PIK3C2G: variants seen among roughly 807,000 people sequenced by gnomAD.
The protein encoded by PIK3C2G is phosphatidylinositol-4-phosphate 3-kinase catalytic subunit type 2 gamma, also known as phosphatidylinositol 3-kinase C2 domain-containing subunit gamma.
Under a neutral mutation model 181.1 loss-of-function variants are expected in PIK3C2G, and 168 were observed. The ratio of observed to expected loss-of-function variants is 0.93; its 90% confidence interval spans 0.82 to 1.05. The LOEUF (loss-of-function observed/expected upper bound fraction) is 1.05. Ranked by LOEUF, PIK3C2G falls within the 50% of genes least tolerant of loss-of-function variation. PIK3C2G has a pLI of 0.00. For synonymous variants in PIK3C2G, 573 were observed against 592.2 expected (o/e 0.97, Z 0.47); for missense variants, 1,869 against 1,732.8 (o/e 1.08, Z -1.40).
At chr12:18,341,588 A>T (rs75009375) in intron 9 of PIK3C2G, among the ~76,000 whole-genome samples, 127 of 152,298 alleles carry the variant, frequency 8.3e-4, no homozygotes, top group African/African-American at 3.0e-3. Context: ...CTGAAAGCTC[A>T]TTTATTCTAC....
chr12:18,578,705 A>G lies in PIK3C2G; in HGVS notation c.4011+11648A>G, dbSNP rs115156937. Among the ~76,000 whole-genome samples the G allele has an allele frequency of 7.4e-3, 1,129 of 152,282 alleles. 11 individuals carry two copies. Among genetic ancestry groups the G allele is most frequent in the African/African-American group, 0.026 (1,066 of 41,558 alleles). The stretch of plus-strand genomic sequence containing the variant: ...CCGATACAGCTCCCTTTCTTCATAT[A>G]TATTAACATAGTTATATCTACATAA... On this transcript the variant is annotated intron_variant, in intron 29 of 32. Coordinates refer to ENST00000538779, the MANE Select transcript of PIK3C2G (RefSeq NM_001288772.2).
At chr12:18,608,269 G>C (rs944279146) in intron 30 of PIK3C2G, among the ~76,000 whole-genome samples, 2 of 152,152 alleles carry the variant, frequency 1.3e-5, no homozygotes, top group African/African-American at 4.8e-5. Flanking sequence ...TATGTTTATT[G>C]CGGCACTATT....
intron 31 of PIK3C2G, among the ~76,000 whole-genome samples, chr12:18,628,838 T>A (rs1164994671): frequency 6.6e-6 from 1 of 152,174 alleles, no homozygotes; most frequent in African/African-American, 2.4e-5. Context: ...GGCATGGTAG[T>A]TCCAGCTACT....
rs895089247 is a variant in PIK3C2G, at chr12:18,562,730, C to G, written c.3618C>G (p.Phe1206Leu). ...AAATAAAGGAAAGTCTGGAGTGTTT[C>G]CCTGTTAAATTGAATAACTTGATCC... is the stretch of plus-strand genomic sequence containing the variant. ...TKKIKESLEC[F>L]PVKLNNLIHT... The change falls in exon 27 of 33, where the codon TTC (phenylalanine) becomes TTG (leucine). Residue 1206 changes from phenylalanine (F) to leucine (L), a missense_variant. Coordinates refer to ENST00000538779, the MANE Select transcript of PIK3C2G (RefSeq NM_001288772.2). The G allele has an allele frequency of 6.9e-6, 11 of 1,601,690 alleles. No individual in the cohort carries two copies. The highest frequency in any genetic ancestry group is 9.4e-6 in the Non-Finnish European group (11 of 1,172,726).
At chr12:18,419,476 C>CAA (rs1417532119) in intron 16 of PIK3C2G, among the ~76,000 whole-genome samples, 4 of 152,174 alleles carry the variant, frequency 2.6e-5, no homozygotes, top group African/African-American at 9.6e-5. Flanking sequence ...GAGTCAATCA[C>CAA]ATTTAGTTAG....
chr12:18,639,286 C>T (rs576425506), intron 31 of PIK3C2G, among the ~76,000 whole-genome samples: 8 of 152,142 alleles, frequency 5.3e-5, no homozygotes, highest in South Asian at 4.2e-4. Context: ...CTTTACTACA[C>T]GTTTTTTTGA....
At chr12:18,686,039 C>T in the PIK3C2G span, among the ~76,000 whole-genome samples, 3 of 152,016 alleles carry the variant, frequency 2.0e-5, no homozygotes, top group African/African-American at 7.2e-5. Flanking sequence ...CTTTTCCTCC[C>T]AGACTCTCAT....
In PIK3C2G at chr12:18,271,207, G is replaced by A. The variant is rs146983453; in HGVS notation, c.-79+9630G>A. Among the ~76,000 whole-genome samples the A allele has an allele frequency of 8.2e-3, 1,246 of 151,918 alleles. 17 individuals are homozygous for A. In the South Asian group the frequency reaches 0.083, roughly 10 times the overall value. On this transcript the variant is annotated intron_variant, in intron 1 of 32. Coordinates refer to ENST00000538779, the MANE Select transcript of PIK3C2G (RefSeq NM_001288772.2). ...TCCTTAGAGTCCCCAGACATCCTTC[G>A]CTACTGCCCCATGTCTCTTCTACTT...
At chr12:18,245,933 A>T (rs10840989), upstream of PIK3C2G, among the ~76,000 whole-genome samples, 68,158 of 151,914 alleles carry the variant, frequency 0.45, 15,712 homozygotes, top group East Asian at 0.75. Flanking sequence ...ATATTGCACA[A>T]TTTTTTGCAA....
At chr12:18,391,886 T>A (rs577345319) in intron 15 of PIK3C2G, among the ~76,000 whole-genome samples, 2 of 151,746 alleles carry the variant, frequency 1.3e-5, no homozygotes, top group Admixed American at 6.6e-5. Flanking sequence ...TGTGTGTGTG[T>A]GTGAGAGAGA....
chr12:18,612,252 G>A (rs981959125), intron 31 of PIK3C2G, among the ~76,000 whole-genome samples: 1 of 152,114 alleles, frequency 6.6e-6, no homozygotes, highest in Admixed American at 6.6e-5. Flanking sequence ...TATTCTCTGT[G>A]GCTCAATCTC....
intron 11 of PIK3C2G, among the ~76,000 whole-genome samples, chr12:18,350,954 A>G (rs1940163545): frequency 6.6e-6 from 1 of 152,322 alleles, no homozygotes; most frequent in African/African-American, 2.4e-5. Context: ...GTGAGCATAT[A>G]ATTAATGAGC....
At chr12:18,431,142 C>T (rs1326849741) in intron 18 of PIK3C2G, among the ~76,000 whole-genome samples, 1 of 152,152 alleles carries the variant, frequency 6.6e-6, no homozygotes, top group Non-Finnish European at 1.5e-5. Flanking sequence ...ATTTGCAAGT[C>T]ACTCCTTGAG....
At position 18,423,989 on chromosome 12, in the gene PIK3C2G, T is replaced by A. The variant is rs766354057; in HGVS notation, c.2454T>A (p.Leu818=). The A allele has an allele frequency of 3.1e-6, 5 of 1,612,072 alleles. No individual in the cohort carries two copies. In the South Asian group the frequency reaches 5.5e-5, roughly 18 times the overall value. ...EWNLESPLVQ[L]LLHRSLQSIQ... is the part of the protein sequence containing the mutation. ...ACCTTGAGAGTCCTTTAGTGCAACT[T>A]CTACTCCACCGCTCCTTGCAGAGCA... Residue 818 remains leucine (L), a synonymous_variant, in exon 18 of 33, where the codon CTT becomes CTA. Coordinates refer to ENST00000538779, the MANE Select transcript of PIK3C2G (RefSeq NM_001288772.2).
At chr12:18,677,938 TTGTG>T in the PIK3C2G span, among the ~76,000 whole-genome samples, 1 of 151,976 alleles carries the variant, frequency 6.6e-6, no homozygotes, top group African/African-American at 2.4e-5. Flanking sequence ...TGTGGTGTGT[TTGTG>T]TGTGTGGATG....
intron 24 of PIK3C2G, among the ~76,000 whole-genome samples, chr12:18,519,300 C>T (rs779637632): frequency 4.6e-5 from 7 of 151,624 alleles, no homozygotes; most frequent in South Asian, 2.1e-4. Flanking sequence ...TTTTCTGTCT[C>T]GTTGTATTGA....
chr12:18,332,276 G>A (rs1430899070), intron 8 of PIK3C2G, among the ~76,000 whole-genome samples: 1 of 152,126 alleles, frequency 6.6e-6, no homozygotes, highest in Non-Finnish European at 1.5e-5. Context: ...CAAAGAGACA[G>A]TCTCTCTAAA....
chr12:18,618,095 G>T (rs1200138735), intron 31 of PIK3C2G, among the ~76,000 whole-genome samples: 1 of 151,958 alleles, frequency 6.6e-6, no homozygotes, highest in East Asian at 1.9e-4. Context: ...ACATAAGGAC[G>T]TTTTCTCTAC....
chr12:18,378,555 G>T (rs1371303847), intron 13 of PIK3C2G, among the ~76,000 whole-genome samples: 1 of 152,080 alleles, frequency 6.6e-6, no homozygotes, highest in East Asian at 1.9e-4. Context: ...CACAGCAAAA[G>T]AAACTACCAT....
Sources: gnomAD v4.1 joint callset for allele counts (sites outside exome capture counted in the v4.1 genomes callset) on GRCh38, gnomAD v4.1.1 for gene constraint, MANE v1.5 for transcripts, NCBI Gene and HGNC (gene_info 2026-07-23, HGNC 2026-07-21) for gene names.